TAF8: variants seen among roughly 807,000 people sequenced by gnomAD.
TAF8 encodes the protein transcription initiation factor TFIID subunit 8.
Under a neutral mutation model 36.5 loss-of-function variants are expected in TAF8, and 47 were observed. That is an observed-to-expected ratio of 1.29 (90% CI 1.02 to 1.64). The LOEUF (loss-of-function observed/expected upper bound fraction) is 1.64. Among genes scored for constraint, TAF8 ranks in the 40% most tolerant of loss-of-function variants. TAF8 has a pLI of 0.00. For synonymous variants in TAF8, 175 were observed against 159.5 expected, an observed-to-expected ratio of 1.10 and a Z score of -0.73; for missense variants, 420 against 407.6, an observed-to-expected ratio of 1.03 and a Z score of -0.26.
intron 1 of TAF8, 112 bp from the exon 2 acceptor site, chr6:42,051,245 G>A: frequency 7.4e-7 from 1 of 1,353,220 alleles, no homozygotes; most frequent in Non-Finnish European, 1.0e-6. Flanking sequence ...ATTAAGCACT[G>A]ATTTTTAAAA....
chr6:42,063,791 T>A (rs1765263908), intron 5 of TAF8: 1 of 151,542 alleles, frequency 6.6e-6, no homozygotes. Flanking sequence ...GAGTTCTCGC[T>A]CTGTTGCCCA....
At chr6:42,066,513 C>G (rs1765370235) in intron 6 of TAF8, 54 bp downstream of exon 6, 16 of 1,588,764 alleles carry the variant, frequency 1.0e-5, no homozygotes, top group Non-Finnish European at 1.4e-5. Context: ...CTCACATTAT[C>G]TTTTCTTTCT....
chr6:42,086,828 G>A (rs1766036626), downstream of TAF8: 1 of 1,371,268 alleles, frequency 7.3e-7, no homozygotes, highest in South Asian at 1.2e-5. Context: ...GACACACACG[G>A]AAGCAAACCC....
intron 1 of TAF8, 36 bp downstream of exon 1, chr6:42,050,622 G>C (rs2127446279): frequency 2.6e-6 from 4 of 1,533,752 alleles, no homozygotes; most frequent in Admixed American, 4.4e-5. Context: ...AGCCGAGAGA[G>C]TTTGGGTATC....
Position 42,050,587 on chromosome 6 carries a change from G to C in TAF8, c.45+1G>C, listed in dbSNP as rs764017934. Reference sequence around the variant, plus strand: ...AGCTGGGGCCGGTGGCTCCGGAACGGTAAGGGCAGGAAGCGCGGGCTCGGA... The same window carrying C: ...AGCTGGGGCCGGTGGCTCCGGAACGCTAAGGGCAGGAAGCGCGGGCTCGGA... On this transcript the variant is annotated splice_donor_variant, in intron 1 of 8. Transcript: ENST00000372977. LOFTEE classifies it high-confidence loss of function. 2 of 1,555,662 alleles carry C rather than the reference G, an allele frequency of 1.3e-6. No individual in the cohort carries two copies. The highest frequency in any genetic ancestry group is 2.4e-5 in the South Asian group (2 of 84,436).
chr6:42,058,006 G>T (rs988395143), intron 5 of TAF8, among the ~76,000 whole-genome samples: 3 of 152,090 alleles, frequency 2.0e-5, no homozygotes, highest in African/African-American at 7.2e-5. Context: ...AGGTCATTTT[G>T]TTTTGTGTTT....
intron 5 of TAF8, among the ~76,000 whole-genome samples, chr6:42,062,166 G>C (rs1049497262): frequency 2.6e-5 from 4 of 152,022 alleles, no homozygotes; most frequent in Non-Finnish European, 5.9e-5. Flanking sequence ...ATTTGTACTA[G>C]CGCATCTTTA....
rs1187946951 is a variant in TAF8, at chr6:42,080,755, TAAA to T, written c.*3213_*3215del. On this transcript the variant is annotated 3_prime_UTR_variant, in exon 9 of 9. Transcript: ENST00000372977. Reference sequence around the variant, plus strand: ...GACAACTTGAAACATTGACCCTGTATAAAAATGCAAAATTCTCAATGTGTATTT... The same window carrying T: ...GACAACTTGAAACATTGACCCTGTATAATGCAAAATTCTCAATGTGTATTT... 2.0e-6 allele frequency: 2 copies of T among 985,138 alleles called. No individual in the cohort carries two copies. The allele number at this position is 985,138 out of a possible 1,614,324, so 61.0% of individuals were successfully genotyped here.
At chr6:42,069,439 G>C (rs567868868) in intron 7 of TAF8, among the ~76,000 whole-genome samples, 17 of 152,322 alleles carry the variant, frequency 1.1e-4, no homozygotes, top group African/African-American at 3.8e-4. Context: ...CATTTGGTCA[G>C]ATTCTAGATC....
chr6:42,070,547 G>A (rs988108323), intron 7 of TAF8, among the ~76,000 whole-genome samples: 3 of 152,182 alleles, frequency 2.0e-5, no homozygotes, highest in Non-Finnish European at 2.9e-5. Flanking sequence ...TTCATTTCAA[G>A]TGTCTGATAG....
rs1765874992 is a variant in TAF8, at chr6:42,080,037, G to A, written c.*2492G>A. Reference sequence around the variant, plus strand: ...GATTCCCCAACTGGACTAAATAGGAGTTTTTCAGGTTTGTAGTAACGTGAA... The same window carrying A: ...GATTCCCCAACTGGACTAAATAGGAATTTTTCAGGTTTGTAGTAACGTGAA... On this transcript the variant is annotated 3_prime_UTR_variant, in exon 9 of 9. Coordinates refer to ENST00000372977, the MANE Select transcript of TAF8 (RefSeq NM_138572.3). The A allele has an allele frequency of 1.0e-6, 1 of 985,290 alleles. No individual in the cohort carries two copies. The highest frequency in any genetic ancestry group is 1.2e-6 in the Non-Finnish European group (1 of 829,906). The allele number at this position is 985,290 out of a possible 1,614,324, so 61.0% of individuals were successfully genotyped here. A position where few individuals can be genotyped will look rare whatever the true frequency, so the allele number is the denominator to read the frequency against.
chr6:42,068,665 C>A, intron 7 of TAF8, 58 bp downstream of exon 7: 2 of 1,592,222 alleles, frequency 1.3e-6, no homozygotes, highest in Non-Finnish European at 1.7e-6. Context: ...ACACTGCCCT[C>A]AGTCTGTCAC....
At chr6:42,084,429 C>CTTAT (rs774701538), downstream of TAF8, among the ~76,000 whole-genome samples, 2 of 151,990 alleles carry the variant, frequency 1.3e-5, no homozygotes, top group Admixed American at 6.6e-5. Context: ...CATGTATCAA[C>CTTAT]TTATTTATTT....
chr6:42,050,760 G>T (rs1036493357), intron 1 of TAF8, 174 bp downstream of exon 1: 56 of 960,502 alleles, frequency 5.8e-5, no homozygotes, highest in Non-Finnish European at 7.8e-5. Flanking sequence ...TGCGGCCTCC[G>T]GAGTTGGCGG....
At position 42,080,929 on chromosome 6, in the gene TAF8, T is replaced by A. The variant is rs9471751; in HGVS notation, c.*3384T>A. On this transcript the variant is annotated 3_prime_UTR_variant, in exon 9 of 9. Coordinates refer to ENST00000372977, the MANE Select transcript of TAF8 (RefSeq NM_138572.3). ...ATAGAACTGTAAGCTTTGAACTTAA[T>A]TTGTGTTCAAAAGTTAACAGCAATG... 1,052 of 985,076 alleles carry A rather than the reference T, an allele frequency of 1.1e-3. 3 individuals carry two copies. The highest frequency in any genetic ancestry group is 1.2e-3 in the Non-Finnish European group (986 of 829,600). 61.0% of individuals were successfully genotyped at this position (985,076 alleles called of 1,614,324 possible).
chr6:42,058,746 AACAGAAATTTATTGTCTC>A (rs1314984748), intron 5 of TAF8, among the ~76,000 whole-genome samples: 2 of 152,188 alleles, frequency 1.3e-5, no homozygotes, highest in African/African-American at 4.8e-5. Flanking sequence ...GACTTAGAAC[AACAGAAATTTATTGTCTC>A]ACAGTTCTGG....
At position 42,079,979 on chromosome 6, in the gene TAF8, G is replaced by A. The variant is rs1305806578; in HGVS notation, c.*2434G>A. ...AGGAAAGAGCTGCTTGTCAGGAACG[G>A]AAGAGGGGACGCTAGTAAAAAAAAA... On this transcript the variant is annotated 3_prime_UTR_variant, in exon 9 of 9. Coordinates refer to ENST00000372977, the MANE Select transcript of TAF8 (RefSeq NM_138572.3). 1 of 975,506 alleles carries A rather than the reference G, an allele frequency of 1.0e-6. No homozygotes were observed. The highest frequency in any genetic ancestry group is 1.8e-5 in the African/African-American group (1 of 55,150). The allele number at this position is 975,506 out of a possible 1,614,324, so 60.4% of individuals were successfully genotyped here.
chr6:42,062,985 A>G (rs1360410299), intron 5 of TAF8, among the ~76,000 whole-genome samples: 2 of 152,168 alleles, frequency 1.3e-5, no homozygotes, highest in Non-Finnish European at 2.9e-5. Context: ...GTCATATTGC[A>G]CTAGGGACCC....
chr6:42,053,229 C>G (rs1764860913), intron 2 of TAF8, among the ~76,000 whole-genome samples: 1 of 152,100 alleles, frequency 6.6e-6, no homozygotes, highest in Non-Finnish European at 1.5e-5. Context: ...TTGAGGACCC[C>G]AAGTAGCTTT....
Sources: allele counts gnomAD v4.1 joint callset (sites outside exome capture counted in the v4.1 genomes callset), GRCh38; gene constraint gnomAD v4.1.1; transcripts MANE v1.5; gene names NCBI Gene and HGNC (gene_info 2026-07-23, HGNC 2026-07-21).